NRG3: variants seen among roughly 807,000 people sequenced by gnomAD.
NRG3 encodes the protein neuregulin 3.
NRG3 carries 31 observed loss-of-function variants against 66.9 expected under a neutral mutation model. That is an observed-to-expected ratio of 0.46 (90% CI 0.35 to 0.63). NRG3 has a LOEUF of 0.63. NRG3 is among the 20% of genes least tolerant of loss of function. The pLI is 0.00. For synonymous variants in NRG3, 393 were observed against 359.4 expected, an observed-to-expected ratio of 1.09 and a Z score of -1.06; for missense variants, 910 against 878.9, an observed-to-expected ratio of 1.04 and a Z score of -0.45.
chr10:82,750,340 G>C (rs1161755879), intron 3 of NRG3, among the ~76,000 whole-genome samples: 1 of 151,974 alleles, frequency 6.6e-6, no homozygotes, highest in Non-Finnish European at 1.5e-5. Flanking sequence ...TTTCTAATTT[G>C]GTACTACCAG....
At chr10:82,774,309 T>A (rs2059817912) in intron 3 of NRG3, among the ~76,000 whole-genome samples, 1 of 152,186 alleles carries the variant, frequency 6.6e-6, no homozygotes, top group Non-Finnish European at 1.5e-5. Context: ...TTTTGGAACA[T>A]CCCATTATTT....
intron 1 of NRG3, among the ~76,000 whole-genome samples, chr10:82,110,598 A>G (rs1047687718): frequency 2.1e-5 from 3 of 145,400 alleles, no homozygotes; most frequent in East Asian, 4.3e-4. Context: ...GTCAGATATT[A>G]ATATAGTTTT....
intron 2 of NRG3, among the ~76,000 whole-genome samples, chr10:82,521,483 C>A (rs1229039492): frequency 2.6e-5 from 4 of 151,868 alleles, no homozygotes; most frequent in Admixed American, 2.6e-4. Flanking sequence ...TGGGACCACA[C>A]GCGCCCGCCA....
chr10:82,699,165 A>G (rs2055633196), intron 2 of NRG3, among the ~76,000 whole-genome samples: 1 of 152,110 alleles, frequency 6.6e-6, no homozygotes, highest in Non-Finnish European at 1.5e-5. Context: ...TTAATCTTGA[A>G]GTAATTGTCT....
intron 4 of NRG3, among the ~76,000 whole-genome samples, chr10:82,929,134 C>T (rs1847308126): frequency 6.6e-6 from 1 of 152,204 alleles, no homozygotes; most frequent in South Asian, 2.1e-4. Flanking sequence ...TCACACAAAG[C>T]ACACATATCT....
intron 2 of NRG3, among the ~76,000 whole-genome samples, chr10:82,507,348 A>C (rs1173576335): frequency 6.6e-6 from 1 of 152,218 alleles, no homozygotes; most frequent in Non-Finnish European, 1.5e-5. Flanking sequence ...TGAGGTGAGA[A>C]GAGGAAGCTT....
intron 1 of NRG3, among the ~76,000 whole-genome samples, chr10:82,178,283 A>G (rs563516710): frequency 8.5e-5 from 13 of 152,318 alleles, no homozygotes. Flanking sequence ...AGTATAAAAG[A>G]CAGTATTAAC....
intron 2 of NRG3, among the ~76,000 whole-genome samples, chr10:82,710,696 T>C (rs2056612687): frequency 6.6e-6 from 1 of 151,812 alleles, no homozygotes; most frequent in African/African-American, 2.4e-5. Context: ...CTTTTTCATT[T>C]TTTATTTTTA....
At chr10:82,791,321 C>A (rs1420657290) in intron 3 of NRG3, among the ~76,000 whole-genome samples, 1 of 144,032 alleles carries the variant, frequency 6.9e-6, no homozygotes, top group Admixed American at 6.9e-5. Context: ...GTTTTTTTTT[C>A]ATTTTTGGTA....
intron 2 of NRG3, among the ~76,000 whole-genome samples, chr10:82,597,282 G>A (rs575970850): frequency 6.6e-6 from 1 of 152,226 alleles, no homozygotes; most frequent in South Asian, 2.1e-4. Flanking sequence ...TGAGAGGAAG[G>A]TAAGTTTAAA....
At chr10:82,600,800 T>C (rs2133392932) in intron 2 of NRG3, among the ~76,000 whole-genome samples, 1 of 152,224 alleles carries the variant, frequency 6.6e-6, no homozygotes, top group South Asian at 2.1e-4. Flanking sequence ...TTTTAATTTT[T>C]ATTTTAGATT....
intron 1 of NRG3, among the ~76,000 whole-genome samples, chr10:81,959,347 A>T (rs1207626657): frequency 6.6e-6 from 1 of 152,190 alleles, no homozygotes; most frequent in African/African-American, 2.4e-5. Flanking sequence ...GTTTGAACCA[A>T]TTTGAATCAT....
In NRG3 at chr10:82,439,500, T is replaced by C. The variant is rs117598800; in HGVS notation, c.953+80632T>C. Among the ~76,000 whole-genome samples the C allele has an allele frequency of 9.5e-3, 1,447 of 152,152 alleles. 51 individuals are homozygous for C. In the East Asian group the frequency reaches 0.11, roughly 11 times the overall value. Reference sequence around the variant, plus strand: ...ACTTACATGTTTTATTAAATTACCTTAGGATTTTTTAACTCTTTAGTAATT... The same window carrying C: ...ACTTACATGTTTTATTAAATTACCTCAGGATTTTTTAACTCTTTAGTAATT... On this transcript the variant is annotated intron_variant, in intron 2 of 8. Coordinates refer to ENST00000372141, the MANE Select transcript of NRG3 (RefSeq NM_001010848.4).
intron 2 of NRG3, among the ~76,000 whole-genome samples, chr10:82,643,149 G>A (rs902982837): frequency 2.0e-5 from 3 of 152,048 alleles, no homozygotes; most frequent in African/African-American, 7.2e-5. Context: ...GTTTGGCTCT[G>A]TGTCCCCATC....
intron 1 of NRG3, among the ~76,000 whole-genome samples, chr10:82,249,764 A>C (rs896589920): frequency 6.6e-6 from 1 of 152,198 alleles, no homozygotes; most frequent in African/African-American, 2.4e-5. Flanking sequence ...TTATCAGAAC[A>C]CTACTGGCTT....
intron 1 of NRG3, among the ~76,000 whole-genome samples, chr10:82,245,867 A>G (rs1307904085): frequency 6.6e-6 from 1 of 151,592 alleles, no homozygotes; most frequent in Admixed American, 6.6e-5. Context: ...GCATTCCCTA[A>G]TTTGCCCTGC....
chr10:82,668,936 T>C (rs1167271022), intron 2 of NRG3, among the ~76,000 whole-genome samples: 2 of 152,154 alleles, frequency 1.3e-5, no homozygotes, highest in Non-Finnish European at 2.9e-5. Context: ...AGGGCATGAA[T>C]TTAAGGCTCA....
chr10:81,952,696 C>T (rs1849485708), intron 1 of NRG3, among the ~76,000 whole-genome samples: 1 of 152,108 alleles, frequency 6.6e-6, no homozygotes, highest in Non-Finnish European at 1.5e-5. Flanking sequence ...CCTTGAACTC[C>T]TGGCTTAAGC....
chr10:81,906,384 A>G (rs550774293), intron 1 of NRG3, among the ~76,000 whole-genome samples: 14 of 152,284 alleles, frequency 9.2e-5, no homozygotes, highest in Admixed American at 5.2e-4. Flanking sequence ...CCTTCATTCA[A>G]TTGCTATTGT....
Sources: allele counts gnomAD v4.1 joint callset (sites outside exome capture counted in the v4.1 genomes callset), GRCh38; gene constraint gnomAD v4.1.1; transcripts MANE v1.5; gene names NCBI Gene and HGNC (gene_info 2026-07-23, HGNC 2026-07-21).